The following ARHGEF12 variants were observed in gnomAD, a reference collection of about 807,000 sequenced individuals.
The protein encoded by ARHGEF12 is KMT2A/ARHGEF12 fusion protein.
In ARHGEF12, 66 loss-of-function variants were observed where a neutral mutation model predicts 211.2. The ratio of observed to expected loss-of-function variants is 0.31; its 90% CI spans 0.26 to 0.38. The LOEUF (loss-of-function observed/expected upper bound fraction) is 0.38, where lower values mean the gene tolerates loss of function less well. Among genes scored for constraint, ARHGEF12 ranks in the 10% least tolerant of loss-of-function variants. ARHGEF12 has a pLI of 1.00. For missense variants in ARHGEF12, 1,429 were observed against 1,869.5 expected (o/e 0.76, Z 4.34); for synonymous variants, 592 against 638.4 (o/e 0.93, Z 1.09).
intron 1 of ARHGEF12, among the ~76,000 whole-genome samples, chr11:120,371,842 T>C (rs924673660): frequency 5.9e-5 from 9 of 152,356 alleles, no homozygotes; most frequent in Middle Eastern, 3.4e-3. Context: ...AAAAAAATAC[T>C]GTCCACCAAG....
chr11:120,388,275 AT>A (rs946294543), intron 1 of ARHGEF12, among the ~76,000 whole-genome samples: 3 of 152,010 alleles, frequency 2.0e-5, no homozygotes, highest in Non-Finnish European at 4.4e-5. Context: ...TTATTTTGAG[AT>A]TTGTCTGTAT....
intron 1 of ARHGEF12, among the ~76,000 whole-genome samples, chr11:120,399,343 A>AAAAAAAAAAAAAAAAAAAAAAAG (rs1944489625): frequency 6.8e-6 from 1 of 147,718 alleles, no homozygotes; most frequent in Non-Finnish European, 1.5e-5. Flanking sequence ...AAAAAAAAAA[A>AAAAAAAAAAAAAAAAAAAAAAAG]AAAAAAAAGA....
In ARHGEF12 at chr11:120,480,066, G is replaced by T. The variant is rs373504530; in HGVS notation, c.3873G>T (p.Pro1291=). The T allele has an allele frequency of 3.7e-6, 6 of 1,614,036 alleles. No homozygotes were observed. The highest frequency in any genetic ancestry group is 5.1e-6 in the Non-Finnish European group (6 of 1,180,038). Residue 1291 remains proline, a synonymous_variant, in exon 38 of 41, where the codon CCG becomes CCT. Coordinates refer to ENST00000397843, the MANE Select transcript of ARHGEF12 (RefSeq NM_015313.3). ...FPRYRTASQG[P]QTDSVIQNSE... ...GATACAGAACAGCCTCTCAGGGGCC[G>T]CAGACAGACAGTGTCATCCAGAACT... is the stretch of plus-strand genomic sequence containing the variant.
intron 1 of ARHGEF12, among the ~76,000 whole-genome samples, chr11:120,395,056 CAAAAAAAA>C (rs758953056): frequency 3.8e-4 from 13 of 34,612 alleles, no homozygotes; most frequent in Middle Eastern, 0.015. Context: ...GACTCTATCT[CAAAAAAAA>C]AAAAAAAAAA....
At chr11:120,441,446 C>T (rs545878027) in intron 13 of ARHGEF12, among the ~76,000 whole-genome samples, 4 of 152,188 alleles carry the variant, frequency 2.6e-5, no homozygotes, top group Admixed American at 6.5e-5. Flanking sequence ...TGTATACATC[C>T]GAGCTACTTG....
chr11:120,459,155 A>G lies in ARHGEF12; in HGVS notation c.2381-19A>G, dbSNP rs751409366. 4 of 1,580,532 alleles carry G rather than the reference A, an allele frequency of 2.5e-6. No homozygotes were observed. Among genetic ancestry groups the G allele is most frequent in the African/African-American group, 1.4e-5 (1 of 73,662 alleles). On this transcript the variant is annotated intron_variant, in intron 25 of 40. Coordinates refer to ENST00000397843, the MANE Select transcript of ARHGEF12 (RefSeq NM_015313.3). ...ATTGTTCTAAGTAAGGCAACATTTC[A>G]TATCTCTTTCCTGTTCAGAATTGTT...
At chr11:120,437,509 TAAAG>T (rs1945730883) in intron 12 of ARHGEF12, 127 bp downstream of exon 12, 4 of 541,942 alleles carry the variant, frequency 7.4e-6, no homozygotes, top group East Asian at 6.8e-5. Flanking sequence ...TAAAATTTAT[TAAAG>T]AAACTTAATA....
In ARHGEF12 at chr11:120,451,541, C is replaced by T. The variant is rs754173692; in HGVS notation, c.1873C>T (p.Arg625Cys). The change falls in exon 22 of 41, where the codon CGC becomes TGC. Residue 625 changes from arginine to cysteine, a missense_variant. Around this residue, in one of 7 missense-constraint regions of ARHGEF12, gnomAD observed 373 missense variants for 467.5 expected, o/e 0.80. Transcript: ENST00000397843. Reference sequence around the variant, plus strand: ...CAGAGCCATGGAACTACAGAAGGCGCGCCACCCTAAGCACTTATCCACACC... The same window carrying T: ...CAGAGCCATGGAACTACAGAAGGCGTGCCACCCTAAGCACTTATCCACACC... ...IGRAMELQKA[R>C]HPKHLSTPSS... 2.5e-6 allele frequency: 4 copies of T among 1,614,008 alleles called. No homozygotes were observed. Among genetic ancestry groups the T allele is most frequent in the Admixed American group, 1.7e-5 (1 of 60,002 alleles).
rs1200760601 is a variant in ARHGEF12, at chr11:120,421,871, T to C, written c.348+19T>C. The C allele has an allele frequency of 2.5e-6, 4 of 1,597,126 alleles. No individual in the cohort carries two copies. The highest frequency in any genetic ancestry group is 3.4e-5 in the Admixed American group (2 of 58,310). ...CATCAAGGTAAGGAATAGGCTATTA[T>C]AGAATTTACGGTAGGATTAAAAAAC... On this transcript the variant is annotated intron_variant, in intron 6 of 40. Transcript: ENST00000397843.
At chr11:120,399,258 T>A (rs1215305106) in intron 1 of ARHGEF12, among the ~76,000 whole-genome samples, 1 of 130,110 alleles carries the variant, frequency 7.7e-6, no homozygotes, top group African/African-American at 2.9e-5. Flanking sequence ...GAGTTCGAGG[T>A]TACAGTGACC....
In ARHGEF12 at chr11:120,487,711, A is replaced by G. The variant is rs116309030; in HGVS notation, c.*2634A>G. 105 of 219,444 alleles carry G rather than the reference A, an allele frequency of 4.8e-4. No individual in the cohort carries two copies. Among genetic ancestry groups the G allele is most frequent in the African/African-American group, 2.2e-3 (99 of 44,608 alleles). 13.6% of individuals were successfully genotyped at this position (219,444 alleles called of 1,614,324 possible). ...AGAGCAAGCAGGCTGCATTTTAGCT[A>G]TGGAAGTGACCTGCTGTGACACTGT... On this transcript the variant is annotated 3_prime_UTR_variant, in exon 41 of 41. Transcript: ENST00000397843.
intron 4 of ARHGEF12, 24 bp downstream of exon 4, chr11:120,409,474 C>A (rs766836298): frequency 1.2e-6 from 2 of 1,611,826 alleles, no homozygotes; most frequent in Admixed American, 1.7e-5. Flanking sequence ...GCTAATTCAG[C>A]CTTGCCCTTT....
At chr11:120,348,993 A>G (rs1942853726) in intron 1 of ARHGEF12, among the ~76,000 whole-genome samples, 1 of 152,240 alleles carries the variant, frequency 6.6e-6, no homozygotes. Flanking sequence ...ATTCAAAATG[A>G]AACACTTCTG....
At chr11:120,363,355 A>G (rs1209909056) in intron 1 of ARHGEF12, among the ~76,000 whole-genome samples, 3 of 152,228 alleles carry the variant, frequency 2.0e-5, no homozygotes, top group African/African-American at 7.2e-5. Flanking sequence ...TGAGGCTGCT[A>G]CAATAACCAA....
intron 7 of ARHGEF12, 151 bp from the exon 8 acceptor site, chr11:120,427,918 T>C: frequency 1.7e-6 from 1 of 585,674 alleles, no homozygotes. Flanking sequence ...AGTTTTTTTT[T>C]CTGTGGAGAC....
chr11:120,471,193 A>G (rs1946853980), intron 30 of ARHGEF12, among the ~76,000 whole-genome samples: 1 of 152,232 alleles, frequency 6.6e-6, no homozygotes, highest in Non-Finnish European at 1.5e-5. Flanking sequence ...CATAATAGCG[A>G]AAAGCTAGAA....
chr11:120,406,669 C>T (rs1043828472), intron 2 of ARHGEF12, among the ~76,000 whole-genome samples: 2 of 152,190 alleles, frequency 1.3e-5, no homozygotes, highest in Non-Finnish European at 2.9e-5. Flanking sequence ...CACCATTCTC[C>T]TGCCTCAGCC....
At chr11:120,407,316 G>T (rs11217858) in intron 2 of ARHGEF12, among the ~76,000 whole-genome samples, 1,969 of 152,314 alleles carry the variant, frequency 0.013, 50 homozygotes, top group African/African-American at 0.045. Context: ...CTTTTTAAAT[G>T]TTAAACCGTT....
In ARHGEF12 at chr11:120,347,151, C is replaced by CTTTCTTTCTTT. The variant is rs1296663235; in HGVS notation, c.32+9876_32+9877insTTTCTTTCTTT. 7.0e-3 allele frequency among the ~76,000 whole-genome samples: 411 copies of CTTTCTTTCTTT among 58,522 alleles called. 34 individuals carry two copies. Among genetic ancestry groups the CTTTCTTTCTTT allele is most frequent in the African/African-American group, 0.021 (247 of 11,954 alleles). 38.4% of individuals were successfully genotyped at this position (58,522 alleles called of 152,430 possible). ...TCTTTCTTTCCTTCCTTCCTTCCTT[C>CTTTCTTTCTTT]CTTCCTTCCTTCCTTCCTTCCTTCC... On this transcript the variant is annotated intron_variant, in intron 1 of 40. Transcript: ENST00000397843.
Sources: allele counts gnomAD v4.1 joint callset (sites outside exome capture counted in the v4.1 genomes callset), GRCh38; gene constraint gnomAD v4.1.1; regional missense constraint gnomAD v4.1.1; transcripts MANE v1.5; gene names NCBI Gene and HGNC (gene_info 2026-07-23, HGNC 2026-07-21).